Variants in ANKRD13C observed in about 807,000 individuals in gnomAD.
ANKRD13C encodes ankyrin repeat domain-containing protein 13C.
A neutral mutation model predicts 65.5 loss-of-function variants in ANKRD13C; 16 were observed. The observed-to-expected ratio is 0.24, with a 90% CI of 0.17 to 0.37. The LOEUF is 0.37. Among genes scored for constraint, ANKRD13C ranks in the 10% least tolerant of loss-of-function variants. ANKRD13C has a pLI of 1.00. For missense variants in ANKRD13C, 503 were observed against 655.9 expected (o/e 0.77, Z 2.55); for synonymous variants, 235 against 238.7 (o/e 0.98, Z 0.14).
intron 5 of ANKRD13C, among the ~76,000 whole-genome samples, chr1:70,310,700 T>C (rs1377423134): frequency 6.6e-6 from 1 of 152,252 alleles, no homozygotes; most frequent in Non-Finnish European, 1.5e-5. Flanking sequence ...TATACATTGA[T>C]TATTTTAGAA....
intron 3 of ANKRD13C, among the ~76,000 whole-genome samples, chr1:70,321,393 G>A (rs1296596534): frequency 3.9e-5 from 6 of 152,202 alleles, no homozygotes; most frequent in Admixed American, 3.9e-4. Flanking sequence ...AAGGCTAAAT[G>A]AAGACTTCTA....
chr1:70,309,500 C>G (rs1400215570), intron 5 of ANKRD13C, among the ~76,000 whole-genome samples: 1 of 150,010 alleles, frequency 6.7e-6, no homozygotes, highest in Non-Finnish European at 1.5e-5. Context: ...GGGTGGATCA[C>G]GAGGTGAGAA....
At chr1:70,281,926 GGAGGCAGAGGTTGCAGT>G (rs1382582435) in intron 9 of ANKRD13C, among the ~76,000 whole-genome samples, 1 of 151,148 alleles carries the variant, frequency 6.6e-6, no homozygotes, top group Non-Finnish European at 1.5e-5. Flanking sequence ...CTTGAACCCA[GGAGGCAGAGGTTGCAGT>G]GAGCTGAGGT....
At chr1:70,331,860 A>T (rs1319857207) in intron 2 of ANKRD13C, among the ~76,000 whole-genome samples, 3 of 151,806 alleles carry the variant, frequency 2.0e-5, no homozygotes, top group African/African-American at 4.8e-5. Flanking sequence ...CTAAGTATAA[A>T]GTAGATGTTT....
At chr1:70,294,380 G>A (rs1460192781) in intron 8 of ANKRD13C, among the ~76,000 whole-genome samples, 5 of 152,162 alleles carry the variant, frequency 3.3e-5, no homozygotes, top group South Asian at 2.1e-4. Context: ...GCGTGGCTAC[G>A]CTATGATGCC....
chr1:70,268,427 G>A (rs1447865291), intron 12 of ANKRD13C, among the ~76,000 whole-genome samples: 1 of 152,152 alleles, frequency 6.6e-6, no homozygotes, highest in Non-Finnish European at 1.5e-5. Context: ...CTCCCAAAGT[G>A]CTGGGATTAC....
chr1:70,324,757 C>A, intron 3 of ANKRD13C, 96 bp downstream of exon 3: 1 of 889,868 alleles, frequency 1.1e-6, no homozygotes, highest in Non-Finnish European at 1.7e-6. Flanking sequence ...TGCAAAAGTT[C>A]ATATTATGGC....
Position 70,315,527 on chromosome 1 carries a change from T to G in ANKRD13C, c.617A>C (p.Glu206Ala). The change falls in exon 4 of 13, where the codon GAA (glutamate) becomes GCA (alanine). Residue 206 changes from glutamate to alanine, a missense_variant. Physicochemically the swap from Glu to Ala is moderately radical, Grantham distance 107. This residue lies in a region of ANKRD13C where 300 missense variants were observed against 478.3 expected (regional missense o/e 0.63). Transcript: ENST00000370944. ...TCGAGGTCGTTTTTCTTCAACACTT[T>G]CCCTGGATTGCTGCTTAAGCTTCCT... is the stretch of plus-strand genomic sequence containing the variant. Reference protein sequence around the residue: ...LLRKLKQQSRESVEEKRPRLL... With the variant: ...LLRKLKQQSRASVEEKRPRLL... The G allele has an allele frequency of 1.2e-6, 2 of 1,609,464 alleles. No homozygotes were observed. The highest frequency in any genetic ancestry group is 1.7e-6 in the Non-Finnish European group (2 of 1,177,638).
intron 11 of ANKRD13C, among the ~76,000 whole-genome samples, chr1:70,274,283 G>T (rs1472064145): frequency 6.6e-6 from 1 of 151,530 alleles, no homozygotes; most frequent in Non-Finnish European, 1.5e-5. Context: ...ATGCCAGCCT[G>T]GCCAACATGG....
chr1:70,329,817 G>A (rs1233291251), intron 2 of ANKRD13C, among the ~76,000 whole-genome samples: 2 of 152,062 alleles, frequency 1.3e-5, no homozygotes, highest in Non-Finnish European at 1.5e-5. Flanking sequence ...TGGTGGCCAG[G>A]CACGGTGGCT....
At chr1:70,262,873 AT>A in intron 12 of ANKRD13C, 26 bp from the exon 13 acceptor site, 6 of 1,592,342 alleles carry the variant, frequency 3.8e-6, no homozygotes, top group Non-Finnish European at 5.1e-6. Flanking sequence ...CAATGATAGC[AT>A]TGTAAAATCA....
At chr1:70,267,346 C>T (rs1176845471) in intron 12 of ANKRD13C, among the ~76,000 whole-genome samples, 5 of 152,122 alleles carry the variant, frequency 3.3e-5, no homozygotes, top group Non-Finnish European at 7.4e-5. Context: ...AAATAGCAGA[C>T]AATTGGATCA....
intron 1 of ANKRD13C, among the ~76,000 whole-genome samples, chr1:70,340,565 A>G (rs1447601819): frequency 2.0e-5 from 3 of 152,038 alleles, no homozygotes. Flanking sequence ...TGTTGTTCGT[A>G]TTTTTTACAT....
intron 1 of ANKRD13C, among the ~76,000 whole-genome samples, chr1:70,353,367 T>A (rs1460032584): frequency 1.3e-5 from 2 of 152,104 alleles, no homozygotes; most frequent in Non-Finnish European, 2.9e-5. Flanking sequence ...AAGCAAAAAA[T>A]CAAATCTCTA....
intron 1 of ANKRD13C, among the ~76,000 whole-genome samples, chr1:70,343,773 A>G (rs1682411566): frequency 6.6e-6 from 1 of 152,144 alleles, no homozygotes; most frequent in Admixed American, 6.5e-5. Flanking sequence ...CCTAGCCTCA[A>G]GTGATCCGCC....
chr1:70,304,483 A>T (rs867593910), intron 6 of ANKRD13C, among the ~76,000 whole-genome samples: 1 of 151,772 alleles, frequency 6.6e-6, no homozygotes, highest in South Asian at 2.1e-4. Context: ...TGCAGCCTCA[A>T]CTTCCTGGGG....
At chr1:70,333,339 A>G (rs185748786) in intron 2 of ANKRD13C, among the ~76,000 whole-genome samples, 454 of 151,758 alleles carry the variant, frequency 3.0e-3, no homozygotes, top group Non-Finnish European at 5.1e-3. Context: ...AAAAAAGCGC[A>G]AGTTTTTATT....
At chr1:70,263,154 G>A (rs1201379393) in intron 12 of ANKRD13C, among the ~76,000 whole-genome samples, 1 of 151,924 alleles carries the variant, frequency 6.6e-6, no homozygotes, top group East Asian at 1.9e-4. Context: ...TTTTCTTGGG[G>A]CAGAGGGACA....
At chr1:70,339,740 A>C (rs1473231585) in intron 1 of ANKRD13C, among the ~76,000 whole-genome samples, 1 of 151,594 alleles carries the variant, frequency 6.6e-6, no homozygotes, top group Non-Finnish European at 1.5e-5. Flanking sequence ...TGACATTTGA[A>C]TTTATACTGA....
Sources: gnomAD v4.1 joint callset for allele counts (sites outside exome capture counted in the v4.1 genomes callset) on GRCh38, gnomAD v4.1.1 for gene constraint, gnomAD v4.1.1 regional missense constraint, MANE v1.5 for transcripts, NCBI Gene and HGNC (gene_info 2026-07-23, HGNC 2026-07-21) for gene names.